Variants in SS18L1 observed in about 807,000 individuals in gnomAD.
The protein encoded by SS18L1 is calcium-responsive transactivator.
SS18L1 carries 32 observed loss-of-function variants against 70.3 expected under a neutral mutation model. The ratio of observed to expected loss-of-function variants is 0.46; its 90% CI spans 0.34 to 0.61. SS18L1 has a LOEUF of 0.61. Ranked by LOEUF, SS18L1 falls within the 20% of genes least tolerant of loss-of-function variation. SS18L1 has a pLI of 0.01. For synonymous variants in SS18L1, 237 were observed against 229.7 expected (o/e 1.03, Z -0.29); for missense variants, 430 against 542.1 (o/e 0.79, Z 2.05).
At chr20:62,148,359 G>A (rs1801303263) in intron 1 of SS18L1, among the ~76,000 whole-genome samples, 1 of 150,612 alleles carries the variant, frequency 6.6e-6, no homozygotes, top group Admixed American at 6.6e-5. Context: ...GGTCAGGTGA[G>A]GGAGGCTCGG....
At chr20:62,151,906 A>C (rs1414685590) in intron 1 of SS18L1, among the ~76,000 whole-genome samples, 2 of 106,814 alleles carry the variant, frequency 1.9e-5, no homozygotes, top group African/African-American at 8.1e-5. Context: ...CCCGATCCCC[A>C]GAGCTGGCCT....
intron 1 of SS18L1, 56 bp downstream of exon 1, chr20:62,143,945 G>T: frequency 1.0e-6 from 1 of 963,938 alleles, no homozygotes; most frequent in South Asian, 4.6e-5. Context: ...GGGCGCGCGC[G>T]GGGACGGGGC....
At chr20:62,175,180 G>T (rs1270135238) in intron 10 of SS18L1, 4 of 949,730 alleles carry the variant, frequency 4.2e-6, no homozygotes, top group Non-Finnish European at 5.0e-6. Context: ...AGCCTAGGGA[G>T]GGGGAAGCCC....
Position 62,179,730 on chromosome 20 carries a change from G to GGGGGGGGCCGC in SS18L1, c.*522_*523insGGGGGGGCCGC. The GGGGGGGGCCGC allele has an allele frequency of 1.0e-5, 1 of 96,716 alleles. No individual in the cohort carries two copies. The allele number at this position is 96,716 out of a possible 1,614,324, so 6.0% of individuals were successfully genotyped here. ...GTGCCTCGATGGGGTGGGTGGGAGG[G>GGGGGGGGCCGC]CATCTTCTGTGCGTTGGGTCAGTTT... is the stretch of plus-strand genomic sequence containing the variant. On this transcript the variant is annotated 3_prime_UTR_variant, in exon 11 of 11. Transcript: ENST00000331758.
In SS18L1 at chr20:62,181,415, G is replaced by A. The variant is rs535763676; in HGVS notation, c.*2207G>A. On this transcript the variant is annotated 3_prime_UTR_variant, in exon 11 of 11. Coordinates refer to ENST00000331758, the MANE Select transcript of SS18L1 (RefSeq NM_198935.3). ...CCCACTGAAAATGTTAAACATTTTA[G>A]ATAACTGTGAAGATAGTTTATTTTT... is the stretch of plus-strand genomic sequence containing the variant. 4.8e-6 allele frequency: 1 copy of A among 206,820 alleles called. No homozygotes were observed. The highest frequency in any genetic ancestry group is 5.9e-5 in the Admixed American group (1 of 16,864). 12.8% of individuals were successfully genotyped at this position (206,820 alleles called of 1,614,324 possible). A position where few individuals can be genotyped will look rare whatever the true frequency, so the allele number is the denominator to read the frequency against.
At chr20:62,153,228 A>G (rs1007719134) in intron 1 of SS18L1, among the ~76,000 whole-genome samples, 1 of 152,238 alleles carries the variant, frequency 6.6e-6, no homozygotes, top group Non-Finnish European at 1.5e-5. Flanking sequence ...TGGGGGAGAC[A>G]GCTCCCATCC....
chr20:62,153,183 C>T (rs1449389599), intron 1 of SS18L1, among the ~76,000 whole-genome samples: 4 of 152,322 alleles, frequency 2.6e-5, no homozygotes, highest in Middle Eastern at 3.4e-3. Context: ...ACCAACAGAT[C>T]TCATGCAGAC....
At chr20:62,144,163 C>T (rs1382661617) in intron 1 of SS18L1, among the ~76,000 whole-genome samples, 4 of 150,970 alleles carry the variant, frequency 2.6e-5, no homozygotes, top group Non-Finnish European at 5.9e-5. Flanking sequence ...GCGGTGGGGG[C>T]CGGGCGGACG....
chr20:62,177,685 G>A (rs186159414), intron 10 of SS18L1, among the ~76,000 whole-genome samples: 77 of 152,314 alleles, frequency 5.1e-4, no homozygotes, highest in African/African-American at 1.8e-3. Flanking sequence ...TTGTGGCCTT[G>A]TGGGGCACAG....
chr20:62,165,636 C>G lies in SS18L1; in HGVS notation c.916+122C>G. On this transcript the variant is annotated intron_variant, in intron 8 of 10. Coordinates refer to ENST00000331758, the MANE Select transcript of SS18L1 (RefSeq NM_198935.3). ...GTGAGTCCCTTAAATCACAGCACAG[C>G]GCGTGGGAGGAGAGACAGTGTGTTC... The G allele has an allele frequency of 5.5e-6, 5 of 902,396 alleles. No homozygotes were observed. The South Asian group carries it at 7.5e-5, about 14-fold the overall frequency. 55.9% of individuals were successfully genotyped at this position (902,396 alleles called of 1,614,324 possible).
In SS18L1 at chr20:62,180,993, GAATT is replaced by G; in HGVS notation, c.*1790_*1793del. 1 of 183,062 alleles carries G rather than the reference GAATT, an allele frequency of 5.5e-6. No homozygotes were observed. Among genetic ancestry groups the G allele is most frequent in the Non-Finnish European group, 1.2e-5 (1 of 86,020 alleles). The allele number at this position is 183,062 out of a possible 1,614,324, so 11.3% of individuals were successfully genotyped here. ...TATAAGTCACTTATGTGTTTTGCTTGAATTAATTCTGACAGCCCCTATGAGGAAA... is the reference window on the plus strand; with the variant it reads ...TATAAGTCACTTATGTGTTTTGCTTGAATTCTGACAGCCCCTATGAGGAAA... On this transcript the variant is annotated 3_prime_UTR_variant, in exon 11 of 11. Transcript: ENST00000331758.
intron 10 of SS18L1, chr20:62,175,143 C>T (rs995637143): frequency 1.9e-5 from 16 of 822,354 alleles, no homozygotes; most frequent in Non-Finnish European, 2.3e-5. Flanking sequence ...GAAGACACAG[C>T]GGGGAGTGGC....
intron 10 of SS18L1, chr20:62,175,505 C>T (rs2057605277): frequency 1.1e-6 from 1 of 951,848 alleles, no homozygotes; most frequent in Non-Finnish European, 1.3e-6. Context: ...GTGAAGGCAG[C>T]CTGAAGGAGG....
chr20:62,181,281 T>G lies in SS18L1; in HGVS notation c.*2073T>G, dbSNP rs1003742010. On this transcript the variant is annotated 3_prime_UTR_variant, in exon 11 of 11. Coordinates refer to ENST00000331758, the MANE Select transcript of SS18L1 (RefSeq NM_198935.3). Reference sequence around the variant, plus strand: ...GAAATGAGAGTTCTTAATTGCTAATTGACAAACGCGTTAGCAATTTCAGTT... The same window carrying G: ...GAAATGAGAGTTCTTAATTGCTAATGGACAAACGCGTTAGCAATTTCAGTT... The G allele has an allele frequency of 9.5e-6, 2 of 209,746 alleles. No individual in the cohort carries two copies. The highest frequency in any genetic ancestry group is 3.8e-4 in the South Asian group (2 of 5,330). 13.0% of individuals were successfully genotyped at this position (209,746 alleles called of 1,614,324 possible). A position where few individuals can be genotyped will look rare whatever the true frequency, so the allele number is the denominator to read the frequency against.
At chr20:62,152,241 C>G (rs1015242148) in intron 1 of SS18L1, among the ~76,000 whole-genome samples, 13 of 152,206 alleles carry the variant, frequency 8.5e-5, no homozygotes, top group African/African-American at 3.1e-4. Context: ...ACGCCCACTC[C>G]ACCATGAGCA....
chr20:62,165,931 C>T (rs1161665500), intron 8 of SS18L1, among the ~76,000 whole-genome samples: 4 of 152,204 alleles, frequency 2.6e-5, no homozygotes, highest in Admixed American at 6.5e-5. Flanking sequence ...GCAGTGGCTG[C>T]GCTGGGTGTG....
At chr20:62,166,193 A>C (rs2057426940) in intron 8 of SS18L1, among the ~76,000 whole-genome samples, 1 of 152,218 alleles carries the variant, frequency 6.6e-6, no homozygotes, top group Non-Finnish European at 1.5e-5. Flanking sequence ...TGGCCCCCAG[A>C]GAAGAGCTGA....
intron 1 of SS18L1, among the ~76,000 whole-genome samples, chr20:62,147,997 T>C (rs1298189371): frequency 6.6e-6 from 1 of 151,452 alleles, no homozygotes; most frequent in Non-Finnish European, 1.5e-5. Context: ...TGGCTAGGAG[T>C]GTTTGTAAGG....
chr20:62,158,553 C>CA lies in SS18L1; in HGVS notation c.70-118dup. Reference sequence around the variant, plus strand: ...AAATCTGGAAAAATCTGAAATCTGACACGTTTCACGTAAGGGACGCTCAAC... The same window carrying CA: ...AAATCTGGAAAAATCTGAAATCTGACAACGTTTCACGTAAGGGACGCTCAAC... On this transcript the variant is annotated intron_variant, in intron 1 of 10. Transcript: ENST00000331758. The surrounding 1 kb of genome is among the most constrained non-coding windows in gnomAD (Gnocchi z 4.5). The CA allele has an allele frequency of 6.9e-7, 1 of 1,450,230 alleles. No homozygotes were observed. The highest frequency in any genetic ancestry group is 9.2e-7 in the Non-Finnish European group (1 of 1,081,252). The allele number at this position is 1,450,230 out of a possible 1,614,324, so 89.8% of individuals were successfully genotyped here. A position where few individuals can be genotyped will look rare whatever the true frequency, so the allele number is the denominator to read the frequency against.
Sources: allele counts gnomAD v4.1 joint callset (sites outside exome capture counted in the v4.1 genomes callset), GRCh38; gene constraint gnomAD v4.1.1; non-coding constraint Gnocchi (gnomAD v3.1); transcripts MANE v1.5; gene names NCBI Gene and HGNC (gene_info 2026-07-23, HGNC 2026-07-21).